PER2: variants seen among roughly 807,000 people sequenced by gnomAD.
PER2 encodes the protein period circadian protein homolog 2.
PER2 carries 66 observed loss-of-function variants against 121.0 expected under a neutral mutation model. The observed-to-expected ratio is 0.55, with a 90% CI of 0.45 to 0.67. The LOEUF is 0.67. Among genes scored for constraint, PER2 ranks in the 30% least tolerant of loss-of-function variants. PER2 has a pLI of 0.00. For missense variants in PER2, 1,521 were observed against 1,635.0 expected (o/e 0.93, Z 1.20); for synonymous variants, 684 against 659.9 (o/e 1.04, Z -0.56).
chr2:238,291,693 G>A (rs543110723), upstream of PER2, among the ~76,000 whole-genome samples: 15 of 152,208 alleles, frequency 9.9e-5, no homozygotes, highest in African/African-American at 3.6e-4. Context: ...AGCCTCCCTT[G>A]AACCCAGCGC....
At chr2:238,255,940 C>G in intron 17 of PER2, 29 bp from the exon 18 acceptor site, 1 of 1,613,356 alleles carries the variant, frequency 6.2e-7, no homozygotes. Flanking sequence ...GGGCTCTGGT[C>G]CACACGTGCC....
intron 14 of PER2, 126 bp downstream of exon 14, chr2:238,259,843 G>A (rs2106375149): frequency 1.5e-6 from 1 of 656,400 alleles, no homozygotes. Context: ...GAACGCAGAA[G>A]GGGGTGTGAC....
intron 1 of PER2, among the ~76,000 whole-genome samples, chr2:238,287,833 A>T (rs923853578): frequency 6.6e-6 from 1 of 152,084 alleles, no homozygotes; most frequent in Admixed American, 6.5e-5. Flanking sequence ...CTGAAGGGGG[A>T]AGCAGGCCAC....
At chr2:238,292,549 G>A (rs974809611), upstream of PER2, among the ~76,000 whole-genome samples, 3 of 152,184 alleles carry the variant, frequency 2.0e-5, no homozygotes, top group African/African-American at 4.8e-5. Flanking sequence ...TCCTTGGCCC[G>A]TTCCACCCTG....
chr2:238,289,859 G>T (rs190435941), upstream of PER2: 3 of 152,420 alleles, frequency 2.0e-5, no homozygotes, highest in East Asian at 5.8e-4. Flanking sequence ...AGGAGAAAGA[G>T]TACAATTTCC....
At chr2:238,274,029 T>C (rs567216587) in intron 4 of PER2, among the ~76,000 whole-genome samples, 9 of 152,320 alleles carry the variant, frequency 5.9e-5, no homozygotes, top group African/African-American at 1.9e-4. Context: ...TGGCAACCCC[T>C]GCACATCTGA....
chr2:238,273,729 G>C (rs940578890), intron 4 of PER2, among the ~76,000 whole-genome samples: 3 of 152,122 alleles, frequency 2.0e-5, no homozygotes, highest in Non-Finnish European at 2.9e-5. Context: ...GCAGTGGCAC[G>C]ATCTCAGCTC....
intron 4 of PER2, among the ~76,000 whole-genome samples, chr2:238,274,444 G>A (rs1696390165): frequency 6.6e-6 from 1 of 152,224 alleles, no homozygotes; most frequent in African/African-American, 2.4e-5. Context: ...TTTCAGTTTT[G>A]CCACCTTCAG....
chr2:238,268,500 G>A lies in PER2; in HGVS notation c.825-302C>T, dbSNP rs534431497. 6.6e-6 allele frequency among the ~76,000 whole-genome samples: 1 copy of A among 152,322 alleles called. No individual in the cohort carries two copies. Among genetic ancestry groups the A allele is most frequent in the East Asian group, 1.9e-4 (1 of 5,184 alleles). On this transcript the variant is annotated intron_variant, in intron 7 of 22. Coordinates refer to ENST00000254657, the MANE Select transcript of PER2 (RefSeq NM_022817.3). The surrounding 1 kb of genome is among the most constrained non-coding windows in gnomAD (Gnocchi z 4.0). ...AGGGGTCCTCGGCCCTGACTCCTGA[G>A]GGTGCCAGGGTCTGGCTCGGGGTCA... is the stretch of plus-strand genomic sequence containing the variant.
rs905422977 is a variant in PER2 at position 238,268,429 on chromosome 2, C to A, written c.825-231G>T. Among the ~76,000 whole-genome samples, 10 of 152,196 alleles carry A rather than the reference C, an allele frequency of 6.6e-5. No homozygotes were observed. The highest frequency in any genetic ancestry group is 2.2e-4 in the African/African-American group (9 of 41,446). ...CAGTGGGGCAGCCTGGAGCAGCCTG[C>A]ACCCTGGGTTGGTAAAGCAGACAGA... On this transcript the variant is annotated intron_variant, in intron 7 of 22. Coordinates refer to ENST00000254657, the MANE Select transcript of PER2 (RefSeq NM_022817.3). This position sits in a 1 kb window ranked among gnomAD's most constrained non-coding sequence, Gnocchi z 4.0.
Position 238,287,487 on chromosome 2 carries a change from T to C in PER2, c.-20+862A>G, listed in dbSNP as rs577602532. On this transcript the variant is annotated intron_variant, in intron 1 of 22. Coordinates refer to ENST00000254657, the MANE Select transcript of PER2 (RefSeq NM_022817.3). Reference sequence around the variant, plus strand: ...GCCATATACAGGTGAGAGGCGTCCATGTGGGGCTTTAGCCACCGTGTGGGG... The same window carrying C: ...GCCATATACAGGTGAGAGGCGTCCACGTGGGGCTTTAGCCACCGTGTGGGG... Among the ~76,000 whole-genome samples the C allele has an allele frequency of 2.6e-5, 4 of 152,340 alleles. No individual in the cohort carries two copies. In the East Asian group the frequency reaches 7.7e-4, roughly 29 times the overall value.
At chr2:238,255,400 G>T (rs1020130453) in intron 18 of PER2, 9 of 570,488 alleles carry the variant, frequency 1.6e-5, no homozygotes, top group Non-Finnish European at 2.8e-5. Flanking sequence ...TGGCAGCACT[G>T]CCCTGCCATG....
At chr2:238,262,536 C>G (rs549301413) in intron 10 of PER2, among the ~76,000 whole-genome samples, 192 bp from the exon 11 acceptor site, 21 of 152,206 alleles carry the variant, frequency 1.4e-4, no homozygotes, top group Non-Finnish European at 2.4e-4. Flanking sequence ...CCAGCAGGAG[C>G]TGTTTCATCC....
rs996689866 is a variant in PER2, at chr2:238,277,288, T to C, written c.231-95A>G. The C allele has an allele frequency of 2.2e-4, 186 of 855,586 alleles. No individual in the cohort carries two copies. The African/African-American group carries it at 2.7e-3, about 13-fold the overall frequency. 53.0% of individuals were successfully genotyped at this position (855,586 alleles called of 1,614,324 possible). A position where few individuals can be genotyped will look rare whatever the true frequency, so the allele number is the denominator to read the frequency against. Reference sequence around the variant, plus strand: ...CTACCAGTGATAACAGGCTAGATAATACCATGGTAAGACAATTTTTTAAAA... The same window carrying C: ...CTACCAGTGATAACAGGCTAGATAACACCATGGTAAGACAATTTTTTAAAA... On this transcript the variant is annotated intron_variant, in intron 2 of 22. Coordinates refer to ENST00000254657, the MANE Select transcript of PER2 (RefSeq NM_022817.3).
intron 3 of PER2, among the ~76,000 whole-genome samples, chr2:238,276,615 C>G (rs1696462981): frequency 6.6e-6 from 1 of 152,198 alleles, no homozygotes; most frequent in Non-Finnish European, 1.5e-5. Context: ...GGAAAAGGGT[C>G]TTCAAACATT....
In PER2 at chr2:238,273,041, A is replaced by G. The variant is rs1256639290; in HGVS notation, c.570+29T>C. The stretch of plus-strand genomic sequence containing the variant: ...CTGCAGGAGGAACTCCTGCCATTTT[A>G]GAAAGAAACTTTGCGGAAAGAGGCT... On this transcript the variant is annotated intron_variant, in intron 5 of 22. Transcript: ENST00000254657. 5 of 1,613,072 alleles carry G rather than the reference A, an allele frequency of 3.1e-6. No homozygotes were observed. In the South Asian group the frequency reaches 5.5e-5, roughly 18 times the overall value.
chr2:238,255,159 C>G (rs1388684284), intron 18 of PER2: 2 of 201,892 alleles, frequency 9.9e-6, no homozygotes, highest in African/African-American at 4.7e-5. Context: ...CTTCCCACAC[C>G]ATGACCATGG....
intron 5 of PER2, among the ~76,000 whole-genome samples, chr2:238,272,240 C>T (rs1029459748): frequency 9.2e-5 from 14 of 152,344 alleles, no homozygotes; most frequent in African/African-American, 2.4e-4. Flanking sequence ...CCCTGGGAGG[C>T]GCCACTCACC....
chr2:238,262,369 AG>A (rs1695963100), intron 10 of PER2, 25 bp from the exon 11 acceptor site: 12 of 1,612,388 alleles, frequency 7.4e-6, no homozygotes, highest in Non-Finnish European at 1.0e-5. Context: ...GCCAGCATTC[AG>A]GGGAAAAGGG....
Sources: gnomAD v4.1 joint callset for allele counts (sites outside exome capture counted in the v4.1 genomes callset) on GRCh38, gnomAD v4.1.1 for gene constraint, Gnocchi (gnomAD v3.1) non-coding constraint, MANE v1.5 for transcripts, NCBI Gene and HGNC (gene_info 2026-07-23, HGNC 2026-07-21) for gene names.